DYNC2H1: variants seen among roughly 807,000 people sequenced by gnomAD.
DYNC2H1 encodes the protein dynein cytoplasmic 2 heavy chain 1.
In DYNC2H1, 410 loss-of-function variants were observed where a neutral mutation model predicts 570.0. The observed-to-expected ratio is 0.72, with a 90% CI of 0.66 to 0.78. The LOEUF is 0.78. Among genes scored for constraint, DYNC2H1 ranks in the 30% least tolerant of loss-of-function variants. The probability of loss-of-function intolerance (pLI) is 0.00; values close to 1 mark genes in which losing one functional copy is unlikely to be tolerated. For missense variants in DYNC2H1, 4,865 were observed against 5,046.4 expected (o/e 0.96, Z 1.09); for synonymous variants, 1,688 against 1,677.6 (o/e 1.01, Z -0.15).
chr11:103,274,981 A>C (rs1865852907), intron 70 of DYNC2H1, among the ~76,000 whole-genome samples: 1 of 151,670 alleles, frequency 6.6e-6, no homozygotes, highest in Admixed American at 6.6e-5. Flanking sequence ...TATAATCCCA[A>C]CTACTGGGAG....
chr11:103,413,451 C>G lies in DYNC2H1; in HGVS notation c.12366+13579C>G, dbSNP rs10160503. Among the ~76,000 whole-genome samples, 26 of 152,168 alleles carry G rather than the reference C, an allele frequency of 1.7e-4. No individual in the cohort carries two copies. In the East Asian group the frequency reaches 4.8e-3, roughly 28 times the overall value. On this transcript the variant is annotated intron_variant, in intron 84 of 88. Transcript: ENST00000375735. ...AGTAGCCCTTATGAAATTTGATACT[C>G]TCATCCTGCTTTTACTTAAGAAGAC...
chr11:103,383,870 G>A lies in DYNC2H1; in HGVS notation c.12157-15793G>A, dbSNP rs559346593. 2.6e-5 allele frequency among the ~76,000 whole-genome samples: 4 copies of A among 152,094 alleles called. No individual in the cohort carries two copies. The South Asian group carries it at 8.3e-4, about 32-fold the overall frequency. On this transcript the variant is annotated intron_variant, in intron 83 of 88. Coordinates refer to ENST00000375735, the MANE Select transcript of DYNC2H1 (RefSeq NM_001377.3). ...GCTTGATAGGCATGTTTTCATTATTGTTCACTTTTAAATATTTTCTAAATT... is the reference window on the plus strand; with the variant it reads ...GCTTGATAGGCATGTTTTCATTATTATTCACTTTTAAATATTTTCTAAATT...
Position 103,133,247 on chromosome 11 carries a change from C to A in DYNC2H1, c.1954-308C>A, listed in dbSNP as rs922210527. Among the ~76,000 whole-genome samples the A allele has an allele frequency of 6.6e-6, 1 of 152,006 alleles. No homozygotes were observed. Among genetic ancestry groups the A allele is most frequent in the Non-Finnish European group, 1.5e-5 (1 of 67,994 alleles). The stretch of plus-strand genomic sequence containing the variant: ...GATGTATAGGAGATAATAAGGAAAC[C>A]CAGGTTTGTCGTGCCTTAATTCCTC... On this transcript the variant is annotated intron_variant, in intron 13 of 88. Coordinates refer to ENST00000375735, the MANE Select transcript of DYNC2H1 (RefSeq NM_001377.3). The surrounding 1 kb of genome is among the most constrained non-coding windows in gnomAD (Gnocchi z 4.8).
At position 103,358,282 on chromosome 11, in the gene DYNC2H1, G is replaced by A; in HGVS notation, c.12079G>A (p.Ala4027Thr). Residue 4027 changes from alanine (A) to threonine (T), a missense_variant, in exon 83 of 89, where the codon GCT becomes ACT. By Grantham distance (58) the Ala-to-Thr change is moderately conservative. Transcript: ENST00000375735. ...GAGGATTTTGGGCAGATCCATAACA[G>A]CTGGTTCCAAATTTGATAGAGAAAT... is the stretch of plus-strand genomic sequence containing the variant. ...QLRILGRSIT[A>T]GSKFDREIWS... The A allele has an allele frequency of 6.3e-7, 1 of 1,591,396 alleles. No homozygotes were observed. The highest frequency in any genetic ancestry group is 8.6e-7 in the Non-Finnish European group (1 of 1,167,576).
chr11:103,447,441 A>T (rs982091971), intron 85 of DYNC2H1, among the ~76,000 whole-genome samples: 1 of 152,194 alleles, frequency 6.6e-6, no homozygotes, highest in Non-Finnish European at 1.5e-5. Flanking sequence ...TCCTTTGTAC[A>T]GCTTGAGACT....
rs947931255 is a variant in DYNC2H1, at chr11:103,299,060, T to C, written c.11096-4033T>C. Among the ~76,000 whole-genome samples the C allele has an allele frequency of 7.9e-5, 12 of 152,254 alleles. 1 individual carries two copies. The highest frequency in any genetic ancestry group is 2.9e-5 in the Non-Finnish European group (2 of 67,986). ...TAATTTTGACTTAAAATGACTATCA[T>C]GAGGAGTATATTATACTATGTGTAT... On this transcript the variant is annotated intron_variant, in intron 75 of 88. Transcript: ENST00000375735. The surrounding 1 kb of genome is among the most constrained non-coding windows in gnomAD (Gnocchi z 4.5).
intron 82 of DYNC2H1, among the ~76,000 whole-genome samples, chr11:103,342,698 G>T (rs1397133987): frequency 1.3e-5 from 2 of 151,820 alleles, no homozygotes; most frequent in African/African-American, 2.4e-5. Context: ...TAGAGATGGG[G>T]TTTCACCATG....
chr11:103,199,187 G>T lies in DYNC2H1; in HGVS notation c.7840-41G>T. On this transcript the variant is annotated intron_variant, in intron 48 of 88. Transcript: ENST00000375735. The surrounding 1 kb of genome is among the most constrained non-coding windows in gnomAD (Gnocchi z 4.6). ...AAGTAACATTTTTATTATGTAATTA[G>T]GGCTTATATTAATTATAAAATATTC... 1 of 1,330,800 alleles carries T rather than the reference G, an allele frequency of 7.5e-7. No homozygotes were observed. The highest frequency in any genetic ancestry group is 1.7e-5 in the South Asian group (1 of 57,756). The allele number at this position is 1,330,800 out of a possible 1,614,324, so 82.4% of individuals were successfully genotyped here.
intron 82 of DYNC2H1, among the ~76,000 whole-genome samples, chr11:103,327,708 G>T (rs922880963): frequency 6.6e-6 from 1 of 152,078 alleles, no homozygotes; most frequent in Non-Finnish European, 1.5e-5. Flanking sequence ...CATCTTACAG[G>T]GAGGCCAAGC....
intron 82 of DYNC2H1, among the ~76,000 whole-genome samples, chr11:103,346,180 A>G (rs547774989): frequency 6.6e-6 from 1 of 152,328 alleles, no homozygotes; most frequent in East Asian, 1.9e-4. Flanking sequence ...AATGGCTTTT[A>G]TGAACCCAGC....
intron 62 of DYNC2H1, among the ~76,000 whole-genome samples, chr11:103,236,072 G>T (rs1034324079): frequency 6.6e-6 from 1 of 151,768 alleles, no homozygotes; most frequent in Non-Finnish European, 1.5e-5. Context: ...AATTATTTTT[G>T]ATATTGCATA....
chr11:103,235,652 C>T lies in DYNC2H1; in HGVS notation c.9568-20C>T. The T allele has an allele frequency of 6.3e-7, 1 of 1,593,462 alleles. No homozygotes were observed. Among genetic ancestry groups the T allele is most frequent in the Non-Finnish European group, 8.6e-7 (1 of 1,169,556 alleles). ...AACATACTCATATATCTCCCTCTTT[C>T]TTCTCTCTCTTTTTTCCAGGTTGTA... On this transcript the variant is annotated intron_variant, in intron 61 of 88. Transcript: ENST00000375735.
intron 84 of DYNC2H1, among the ~76,000 whole-genome samples, chr11:103,401,684 A>T (rs774975002): frequency 6.6e-6 from 1 of 152,146 alleles, no homozygotes; most frequent in Non-Finnish European, 1.5e-5. Flanking sequence ...GAGGGTAGTA[A>T]TAGTACCTAC....
intron 54 of DYNC2H1, among the ~76,000 whole-genome samples, chr11:103,213,606 G>T (rs926003609): frequency 1.5e-5 from 2 of 134,276 alleles, no homozygotes; most frequent in East Asian, 4.4e-4. Context: ...TTCATATACC[G>T]TTGGCCATTT....
rs501413 is a variant in DYNC2H1 at position 103,435,866 on chromosome 11, C to T, written c.12367-77C>T. The T allele has an allele frequency of 0.5, 734,988 of 1,456,136 alleles. 190,252 individuals carry two copies. The highest frequency in any genetic ancestry group is 0.73 in the East Asian group (29,837 of 41,102). The allele number at this position is 1,456,136 out of a possible 1,614,324, so 90.2% of individuals were successfully genotyped here. On this transcript the variant is annotated intron_variant, in intron 84 of 88. Transcript: ENST00000375735. ...TGTGAATTATGCCAAAATTTTTCTC[C>T]ATCACACTAGTGTTAGTAGTCTTCT...
At chr11:103,401,506 G>A (rs997561720) in intron 84 of DYNC2H1, among the ~76,000 whole-genome samples, 11 of 152,118 alleles carry the variant, frequency 7.2e-5, no homozygotes, top group African/African-American at 2.7e-4. Flanking sequence ...ATTAAATGCT[G>A]TAGGCAATAA....
Position 103,116,661 on chromosome 11 carries a change from C to G in DYNC2H1, c.713C>G (p.Thr238Arg), listed in dbSNP as rs1366986320. 2 of 1,608,720 alleles carry G rather than the reference C, an allele frequency of 1.2e-6. No individual in the cohort carries two copies. Among genetic ancestry groups the G allele is most frequent in the Non-Finnish European group, 1.7e-6 (2 of 1,177,020 alleles). ...QDVVDDVWRQ[T>R]EHDHYPESRM... is the part of the protein sequence containing the mutation. ...GTTGTAGATGATGTGTGGAGACAAA[C>G]AGAACATGATCATTATCCTGAGTCA... The change falls in exon 5 of 89, where the codon ACA becomes AGA. Residue 238 changes from threonine to arginine, a missense_variant. Physicochemically the swap from Thr to Arg is moderately conservative, Grantham distance 71 (BLOSUM62 -1). Coordinates refer to ENST00000375735, the MANE Select transcript of DYNC2H1 (RefSeq NM_001377.3).
intron 47 of DYNC2H1, among the ~76,000 whole-genome samples, chr11:103,197,717 G>A (rs890382754): frequency 2.0e-5 from 3 of 152,128 alleles, no homozygotes; most frequent in South Asian, 2.1e-4. Context: ...AAAAGTGCGG[G>A]TATTATAGGC....
At chr11:103,418,627 T>C (rs933059166) in intron 84 of DYNC2H1, among the ~76,000 whole-genome samples, 4 of 152,158 alleles carry the variant, frequency 2.6e-5, no homozygotes, top group Non-Finnish European at 5.9e-5. Flanking sequence ...ATTCAGCACC[T>C]TCAACTGAAA....
Sources: allele counts gnomAD v4.1 joint callset (sites outside exome capture counted in the v4.1 genomes callset), GRCh38; gene constraint gnomAD v4.1.1; non-coding constraint Gnocchi (gnomAD v3.1); transcripts MANE v1.5; gene names NCBI Gene and HGNC (gene_info 2026-07-23, HGNC 2026-07-21).